LRRC7: variants seen among roughly 807,000 people sequenced by gnomAD.
LRRC7 encodes the protein leucine rich repeat containing 7.
Under a neutral mutation model 175.7 loss-of-function variants are expected in LRRC7, and 23 were observed. The observed-to-expected ratio is 0.13, with a 90% CI of 0.09 to 0.19. The LOEUF is 0.19. Ranked by LOEUF, LRRC7 falls within the 10% of genes least tolerant of loss-of-function variation. The pLI is 1.00. For synonymous variants in LRRC7, 685 were observed against 680.9 expected (o/e 1.01, Z -0.09); for missense variants, 1,354 against 1,904.7 (o/e 0.71, Z 5.38).
At chr1:69,834,599 T>A (rs1680901198) in intron 5 of LRRC7, among the ~76,000 whole-genome samples, 181 bp from the exon 6 acceptor site, 1 of 152,128 alleles carries the variant, frequency 6.6e-6, no homozygotes, top group Admixed American at 6.6e-5. Context: ...TTTACTTTAA[T>A]AACAGGCAAA....
intron 23 of LRRC7, among the ~76,000 whole-genome samples, chr1:70,061,221 C>G (rs918917791): frequency 1.3e-5 from 2 of 152,110 alleles, no homozygotes; most frequent in Non-Finnish European, 2.9e-5. Flanking sequence ...TTCTGGTAGA[C>G]TAGGCAGTCC....
At chr1:69,758,298 G>C (rs1670658040) in intron 2 of LRRC7, among the ~76,000 whole-genome samples, 1 of 152,008 alleles carries the variant, frequency 6.6e-6, no homozygotes, top group Admixed American at 6.6e-5. Context: ...TAATGGAGAA[G>C]AAAGGTCAAC....
chr1:69,932,565 A>G (rs1163938799), intron 8 of LRRC7, among the ~76,000 whole-genome samples: 8 of 152,184 alleles, frequency 5.3e-5, no homozygotes, highest in African/African-American at 1.2e-4. Flanking sequence ...TTTTACTTCA[A>G]CCATAGCTAA....
chr1:70,142,836 T>C lies in LRRC7; in HGVS notation c.*20949T>C, dbSNP rs1667118350. On this transcript the variant is annotated 3_prime_UTR_variant, in exon 27 of 27. Coordinates refer to ENST00000651989, the MANE Select transcript of LRRC7 (RefSeq NM_001370785.2). ...CATAAGCAATTCTGAAGGAAGACAG[T>C]GGTAGGTTTTCAGATGGTTTGTTAA... 1 of 152,018 alleles carries C rather than the reference T, an allele frequency of 6.6e-6. No homozygotes were observed. The highest frequency in any genetic ancestry group is 1.5e-5 in the Non-Finnish European group (1 of 67,944). The allele number at this position is 152,018 out of a possible 1,614,324, so 9.4% of individuals were successfully genotyped here. A position where few individuals can be genotyped will look rare whatever the true frequency, so the allele number is the denominator to read the frequency against.
At chr1:70,032,923 C>T (rs762676874) in intron 18 of LRRC7, among the ~76,000 whole-genome samples, 3 of 152,166 alleles carry the variant, frequency 2.0e-5, no homozygotes, top group Non-Finnish European at 2.9e-5. Flanking sequence ...AATGTACTTA[C>T]AATGGAATCC....
chr1:70,044,902 G>A (rs1660209327), intron 22 of LRRC7, among the ~76,000 whole-genome samples: 1 of 151,984 alleles, frequency 6.6e-6, no homozygotes, highest in Non-Finnish European at 1.5e-5. Flanking sequence ...ATTGTCATTA[G>A]CCTAGTAAGT....
rs1661405690 is a variant in LRRC7, at chr1:70,059,474, A to ATGTGTGTGT, written c.4230+6329_4230+6330insTGTGTGTGT. ...TTATCAGAAGAAGAAACTAGAAGAA[A>ATGTGTGTGT]GTGTGTGTGTGTGTGTGTGTGTGTG... On this transcript the variant is annotated intron_variant, in intron 23 of 26. Coordinates refer to ENST00000651989, the MANE Select transcript of LRRC7 (RefSeq NM_001370785.2). Among the ~76,000 whole-genome samples, 279 of 132,284 alleles carry ATGTGTGTGT rather than the reference A, an allele frequency of 2.1e-3. 2 individuals carry two copies. Among genetic ancestry groups the ATGTGTGTGT allele is most frequent in the South Asian group, 0.016 (59 of 3,648 alleles). The allele number at this position is 132,284 out of a possible 152,430, so 86.8% of individuals were successfully genotyped here. A position where few individuals can be genotyped will look rare whatever the true frequency, so the allele number is the denominator to read the frequency against.
At chr1:69,675,134 T>C (rs1659596380) in intron 1 of LRRC7, among the ~76,000 whole-genome samples, 1 of 152,134 alleles carries the variant, frequency 6.6e-6, no homozygotes, top group Non-Finnish European at 1.5e-5. Flanking sequence ...CTGAGGAACA[T>C]TACATTTAAG....
At chr1:69,691,627 G>T (rs977814550) in intron 2 of LRRC7, among the ~76,000 whole-genome samples, 1 of 151,930 alleles carries the variant, frequency 6.6e-6, no homozygotes, top group South Asian at 2.1e-4. Flanking sequence ...GCGAAACTCT[G>T]TCTCTACAAA....
chr1:69,694,480 C>T (rs1452995123), intron 2 of LRRC7, among the ~76,000 whole-genome samples: 1 of 152,124 alleles, frequency 6.6e-6, no homozygotes, highest in African/African-American at 2.4e-5. Context: ...CTCTGAATTT[C>T]TGTTTCTCAG....
At chr1:69,899,222 A>G (rs1190294796) in intron 7 of LRRC7, among the ~76,000 whole-genome samples, 1 of 152,188 alleles carries the variant, frequency 6.6e-6, no homozygotes, top group Non-Finnish European at 1.5e-5. Flanking sequence ...TTTATTTTGT[A>G]TCATTGTGGT....
At chr1:69,774,659 A>G (rs532385146) in intron 3 of LRRC7, among the ~76,000 whole-genome samples, 1 of 152,294 alleles carries the variant, frequency 6.6e-6, no homozygotes, top group Non-Finnish European at 1.5e-5. Context: ...TACATATTAC[A>G]TTTATGTTTA....
intron 2 of LRRC7, among the ~76,000 whole-genome samples, chr1:69,734,473 T>C (rs761530366): frequency 6.6e-6 from 1 of 151,960 alleles, no homozygotes; most frequent in Non-Finnish European, 1.5e-5. Context: ...TATGAACCAG[T>C]GTACTAATAT....
intron 22 of LRRC7, among the ~76,000 whole-genome samples, chr1:70,049,175 G>A (rs1025598029): frequency 3.9e-5 from 6 of 152,014 alleles, no homozygotes; most frequent in African/African-American, 1.4e-4. Context: ...ATAGAATTTT[G>A]CATGGAAGAA....
At chr1:70,018,497 G>A (rs1657156169) in intron 14 of LRRC7, among the ~76,000 whole-genome samples, 1 of 151,934 alleles carries the variant, frequency 6.6e-6, no homozygotes, top group South Asian at 2.1e-4. Flanking sequence ...GTTTTGATAA[G>A]TTTTGTAAAA....
Position 69,652,507 on chromosome 1 carries a change from A to G in LRRC7, c.3-25874A>G, listed in dbSNP as rs74656185. Among the ~76,000 whole-genome samples the G allele has an allele frequency of 3.0e-3, 463 of 152,304 alleles. 10 individuals are homozygous for G. The East Asian group carries it at 0.073, about 24-fold the overall frequency. On this transcript the variant is annotated intron_variant, in intron 1 of 26. Transcript: ENST00000651989. ...AATGAAGAGGCTCTTGTGTGCATGG[A>G]TTTGAAGACTTAATATTGTTAAAAT...
intron 2 of LRRC7, among the ~76,000 whole-genome samples, chr1:69,707,527 A>C (rs1284911012): frequency 2.0e-5 from 3 of 152,070 alleles, no homozygotes; most frequent in Admixed American, 2.0e-4. Context: ...ATTCCCTCCC[A>C]AAAAAATTAT....
intron 7 of LRRC7, chr1:69,920,016 G>T: frequency 2.2e-6 from 1 of 461,852 alleles, no homozygotes. Context: ...CCCACTCCCT[G>T]TCAGTCCCCA....
intron 3 of LRRC7, among the ~76,000 whole-genome samples, chr1:69,779,237 A>G (rs1365340177): frequency 2.0e-5 from 3 of 152,166 alleles, no homozygotes; most frequent in African/African-American, 7.2e-5. Flanking sequence ...TCAAAGGCAC[A>G]CCTATGAACA....
Sources: gnomAD v4.1 joint callset for allele counts (sites outside exome capture counted in the v4.1 genomes callset) on GRCh38, gnomAD v4.1.1 for gene constraint, MANE v1.5 for transcripts, NCBI Gene and HGNC (gene_info 2026-07-23, HGNC 2026-07-21) for gene names.